CASK: variants seen among roughly 807,000 people sequenced by gnomAD.
The protein encoded by CASK is calcium/calmodulin dependent serine protein kinase.
Under a neutral mutation model 82.9 loss-of-function variants are expected in CASK, and 4 were observed. The observed-to-expected ratio is 0.05, with a 90% CI of 0.02 to 0.11. The LOEUF (loss-of-function observed/expected upper bound fraction) is 0.11. Ranked by LOEUF, CASK falls within the 10% of genes least tolerant of loss-of-function variation. The pLI, the probability that CASK is intolerant of heterozygous loss-of-function variation, is 1.00. For synonymous variants in CASK, 259 were observed against 253.5 expected (o/e 1.02, Z -0.20); for missense variants, 358 against 720.9 (o/e 0.50, Z 5.76).
chrX:41,724,056 T>TA (rs2068212004), intron 5 of CASK: 1 of 112,243 alleles, frequency 8.9e-6, no homozygotes, highest in Non-Finnish European at 1.9e-5. Flanking sequence ...ACTACAGAAA[T>TA]AGAGAAATGA....
At position 41,853,128 on chromosome X, in the gene CASK, C is replaced by A. The variant is rs761946846; in HGVS notation, c.159G>T (p.Gly53=). ...VDVAKFTSSP[G]LSTEDLKREA... is the part of the protein sequence containing the mutation. ...TCCATCTCTTACCTTCTGTACTTAACCCTGGACTTGATGTGAACTTGGCTA... is the reference window on the plus strand; with the variant it reads ...TCCATCTCTTACCTTCTGTACTTAAACCTGGACTTGATGTGAACTTGGCTA... Residue 53 remains glycine (G), a synonymous_variant, in exon 2 of 27, where the codon GGG becomes GGT. Coordinates refer to ENST00000378163, the MANE Select transcript of CASK (RefSeq NM_001367721.1). 7 of 1,181,626 alleles carry A rather than the reference C, an allele frequency of 5.9e-6. No homozygotes were observed. Among genetic ancestry groups the A allele is most frequent in the Non-Finnish European group, 8.1e-6 (7 of 868,415 alleles).
intron 5 of CASK, chrX:41,695,645 T>C: frequency 1.7e-6 from 2 of 1,192,337 alleles, no homozygotes; most frequent in Non-Finnish European, 2.3e-6. Context: ...TGAGAAGTCA[T>C]ACCATAACAA....
chrX:41,675,778 T>C, intron 5 of CASK: 1 of 1,203,893 alleles, frequency 8.3e-7, no homozygotes, highest in South Asian at 1.8e-5. Context: ...CTCCTTCTCC[T>C]GCTTCAGCTT....
At chrX:41,802,663 C>T (rs137904431) in intron 2 of CASK, among the ~76,000 whole-genome samples, 12 of 111,551 alleles carry the variant, frequency 1.1e-4, no homozygotes, top group East Asian at 8.4e-4. Context: ...GGGAGAAAAA[C>T]GGCCAGGCAC....
chrX:41,565,747 C>T lies in CASK; in HGVS notation c.1582+3921G>A, dbSNP rs143742467. On this transcript the variant is annotated intron_variant, in intron 16 of 26. Coordinates refer to ENST00000378163, the MANE Select transcript of CASK (RefSeq NM_001367721.1). ...CTAACTCATTTTATGAGGCCAACATCATCCTGATACCAAAGCCTGGCAGAG... is the reference window on the plus strand; with the variant it reads ...CTAACTCATTTTATGAGGCCAACATTATCCTGATACCAAAGCCTGGCAGAG... 3.3e-3 allele frequency among the ~76,000 whole-genome samples: 364 copies of T among 111,685 alleles called. 11 individuals are homozygous for T. In the East Asian group the frequency reaches 0.088, roughly 27 times the overall value.
intron 8 of CASK, among the ~76,000 whole-genome samples, chrX:41,655,298 G>C (rs958298811): frequency 9.0e-6 from 1 of 110,843 alleles, no homozygotes; most frequent in African/African-American, 3.3e-5. Context: ...CCATCTGCTC[G>C]CCCTTTGCAG....
At chrX:41,909,259 G>T (rs773853131) in intron 1 of CASK, among the ~76,000 whole-genome samples, 1 of 112,254 alleles carries the variant, frequency 8.9e-6, no homozygotes, top group South Asian at 3.7e-4. Context: ...TAAACAGGAT[G>T]TTCAATATCA....
intron 5 of CASK, among the ~76,000 whole-genome samples, chrX:41,734,385 T>C (rs2068462363): frequency 1.8e-5 from 2 of 111,171 alleles, no homozygotes; most frequent in Non-Finnish European, 3.8e-5. Context: ...GTAGAGCCCA[T>C]GAAAGAAGGC....
At chrX:41,770,311 CCTAT>C (rs1475139399) in intron 3 of CASK, among the ~76,000 whole-genome samples, 14 of 91,220 alleles carry the variant, frequency 1.5e-4, no homozygotes, top group African/African-American at 4.9e-4. Flanking sequence ...TACCTACCTA[CCTAT>C]CCATCCATCC....
At chrX:41,854,869 A>C (rs1223671631) in intron 1 of CASK, among the ~76,000 whole-genome samples, 1 of 112,468 alleles carries the variant, frequency 8.9e-6, no homozygotes, top group African/African-American at 3.2e-5. Context: ...TTACAAACTG[A>C]GGGACAAACG....
intron 5 of CASK, among the ~76,000 whole-genome samples, chrX:41,693,074 GA>G (rs1458531118): frequency 1.8e-5 from 2 of 110,900 alleles, no homozygotes; most frequent in Non-Finnish European, 3.8e-5. Context: ...CATGAGAGAA[GA>G]AAAAAAATCC....
At chrX:41,869,812 C>CAAAAAAAAAAAAAAAAAAAAAAAAAAAAA (rs72190097) in intron 1 of CASK, among the ~76,000 whole-genome samples, 1 of 12,116 alleles carries the variant, frequency 8.3e-5, no homozygotes, top group Non-Finnish European at 1.2e-4. Context: ...GACTCTGTCT[C>CAAAAAAAAAAAAAAAAAAAAAAAAAAAAA]AAAAAAAAAA....
In CASK at chrX:41,652,383, T is replaced by C. The variant is rs140189393; in HGVS notation, c.831+8056A>G. On this transcript the variant is annotated intron_variant, in intron 8 of 26. Transcript: ENST00000378163. ...AGCTCTCCAAGGGCCGGAGTGTAGA[T>C]GGACGTGATATTTTGAAATATATAT... 2.7e-3 allele frequency among the ~76,000 whole-genome samples: 302 copies of C among 111,963 alleles called. 3 individuals carry two copies. Among genetic ancestry groups the C allele is most frequent in the African/African-American group, 8.6e-3 (264 of 30,819 alleles).
intron 2 of CASK, among the ~76,000 whole-genome samples, chrX:41,830,817 C>CAAAAAA (rs780864898): frequency 1.1e-4 from 4 of 36,940 alleles, no homozygotes; most frequent in East Asian, 1.9e-3. Context: ...GAGACTCTGC[C>CAAAAAA]AAAAAAAAAA....
chrX:41,829,868 C>T (rs1209018833), intron 2 of CASK, among the ~76,000 whole-genome samples: 1 of 99,620 alleles, frequency 1.0e-5, no homozygotes, highest in East Asian at 3.3e-4. Flanking sequence ...CACTTTACAA[C>T]TGTCATTTTC....
chrX:41,783,758 G>T (rs1432478243), intron 3 of CASK, among the ~76,000 whole-genome samples: 3 of 111,488 alleles, frequency 2.7e-5, no homozygotes, highest in Non-Finnish European at 5.6e-5. Flanking sequence ...GTCTTCTTTA[G>T]TTAGAGGTGA....
At chrX:41,717,933 CG>C (rs1569416833) in intron 5 of CASK, among the ~76,000 whole-genome samples, 1 of 112,212 alleles carries the variant, frequency 8.9e-6, no homozygotes, top group East Asian at 2.8e-4. Flanking sequence ...GAGGTGACTG[CG>C]GTCTGGCAGC....
chrX:41,899,010 G>C (rs2072320834), intron 1 of CASK, among the ~76,000 whole-genome samples: 1 of 111,500 alleles, frequency 9.0e-6, no homozygotes, highest in Admixed American at 9.5e-5. Context: ...TGAAAGTGGG[G>C]TATTAAAATC....
chrX:41,529,343 G>A (rs2064763551), intron 25 of CASK, among the ~76,000 whole-genome samples: 1 of 111,963 alleles, frequency 8.9e-6, no homozygotes, highest in South Asian at 3.7e-4. Flanking sequence ...GCTGTGCAAG[G>A]GCAAGGAGAA....
Sources: gnomAD v4.1 joint callset for allele counts (sites outside exome capture counted in the v4.1 genomes callset) on GRCh38, gnomAD v4.1.1 for gene constraint, MANE v1.5 for transcripts, NCBI Gene and HGNC (gene_info 2026-07-23, HGNC 2026-07-21) for gene names.